Variants in IBTK observed in about 807,000 individuals in gnomAD.
The protein encoded by IBTK is inhibitor of Bruton tyrosine kinase.
Under a neutral mutation model 154.9 loss-of-function variants are expected in IBTK, and 83 were observed. The ratio of observed to expected loss-of-function variants is 0.54; its 90% CI spans 0.45 to 0.64. The LOEUF is 0.64. Ranked by LOEUF, IBTK falls within the 30% of genes least tolerant of loss-of-function variation. IBTK has a pLI of 0.00. For missense variants in IBTK, 1,332 were observed against 1,584.6 expected (o/e 0.84, Z 2.71); for synonymous variants, 515 against 536.1 (o/e 0.96, Z 0.54).
At chr6:82,193,299 A>G (rs1356363630) in intron 23 of IBTK, among the ~76,000 whole-genome samples, 1 of 152,178 alleles carries the variant, frequency 6.6e-6, no homozygotes, top group East Asian at 1.9e-4. Context: ...TAGTACTGAA[A>G]TAGCCTAATC....
chr6:82,203,109 G>C (rs182526569), intron 17 of IBTK, among the ~76,000 whole-genome samples: 27 of 152,002 alleles, frequency 1.8e-4, no homozygotes, highest in African/African-American at 6.3e-4. Flanking sequence ...TTATCTATCA[G>C]AATTCATGTG....
chr6:82,188,252 CAT>C (rs373323722), intron 25 of IBTK, among the ~76,000 whole-genome samples: 46 of 152,220 alleles, frequency 3.0e-4, no homozygotes, highest in African/African-American at 1.1e-3. Context: ...AAATAAAACA[CAT>C]ATAGAGTAGA....
At chr6:82,246,873 T>A (rs1052976724) in intron 1 of IBTK, among the ~76,000 whole-genome samples, 7 of 152,196 alleles carry the variant, frequency 4.6e-5, no homozygotes, top group Non-Finnish European at 8.8e-5. Context: ...AATGGCCTAC[T>A]TCGAGGCATA....
At chr6:82,225,774 A>T in intron 5 of IBTK, 127 bp from the exon 6 acceptor site, 1 of 665,836 alleles carries the variant, frequency 1.5e-6, no homozygotes, top group Non-Finnish European at 2.4e-6. Context: ...TATCTATCAT[A>T]GGTAAATTCT....
intron 26 of IBTK, among the ~76,000 whole-genome samples, chr6:82,176,328 CTGGCCAACA>C (rs1768113508): frequency 6.6e-6 from 1 of 151,870 alleles, no homozygotes; most frequent in Non-Finnish European, 1.5e-5. Flanking sequence ...CGAGACTAGC[CTGGCCAACA>C]TGGCAAAACC....
chr6:82,191,016 C>T, intron 25 of IBTK, 57 bp downstream of exon 25: 1 of 1,276,580 alleles, frequency 7.8e-7, no homozygotes, highest in Non-Finnish European at 1.0e-6. Context: ...AAGTCAAGTA[C>T]TACCTTAAAA....
intron 23 of IBTK, among the ~76,000 whole-genome samples, chr6:82,194,242 A>G (rs1031542732): frequency 5.3e-5 from 8 of 152,174 alleles, no homozygotes; most frequent in African/African-American, 1.7e-4. Context: ...TACGTAAAAC[A>G]TAGTATTTGC....
intron 16 of IBTK, among the ~76,000 whole-genome samples, chr6:82,206,159 T>C (rs1769403922): frequency 6.6e-6 from 1 of 152,200 alleles, no homozygotes; most frequent in South Asian, 2.1e-4. Context: ...GCCTTTCCTG[T>C]TCAGATCTTC....
intron 2 of IBTK, among the ~76,000 whole-genome samples, chr6:82,236,953 A>G (rs1288547391): frequency 1.3e-5 from 2 of 152,218 alleles, no homozygotes; most frequent in African/African-American, 4.8e-5. Context: ...TGTATCTATC[A>G]CTGATCAGCA....
Position 82,213,570 on chromosome 6 carries a change from C to T in IBTK, c.2204+657G>A, listed in dbSNP as rs367744356. ...ATTGAGAAACTGAAGTAAGAAGGAT[C>T]GCTTGAGCCCAGGAGTTCGAGAAAC... On this transcript the variant is annotated intron_variant, in intron 12 of 28. Transcript: ENST00000306270. 9.9e-5 allele frequency among the ~76,000 whole-genome samples: 15 copies of T among 152,182 alleles called. No individual in the cohort carries two copies. In the East Asian group the frequency reaches 2.5e-3, roughly 25 times the overall value.
At chr6:82,188,520 T>C (rs1768636774) in intron 25 of IBTK, among the ~76,000 whole-genome samples, 2 of 152,180 alleles carry the variant, frequency 1.3e-5, no homozygotes, top group Admixed American at 1.3e-4. Context: ...CTTATACTTG[T>C]TGCGTGGTAC....
At chr6:82,188,258 G>A (rs1768628985) in intron 25 of IBTK, among the ~76,000 whole-genome samples, 1 of 152,080 alleles carries the variant, frequency 6.6e-6, no homozygotes, top group Non-Finnish European at 1.5e-5. Context: ...AACACATATA[G>A]AGTAGAATGA....
intron 16 of IBTK, 80 bp from the exon 17 acceptor site, chr6:82,205,038 C>G: frequency 2.9e-6 from 2 of 685,270 alleles, no homozygotes; most frequent in Non-Finnish European, 4.6e-6. Flanking sequence ...GTAATTAGTA[C>G]ACTAGAAAAG....
chr6:82,182,011 G>A lies in IBTK; in HGVS notation c.3593C>T (p.Ser1198Leu). ...PVNAWASSLHSVSSKSFRDFL... is the reference protein window; with the variant it reads ...PVNAWASSLHLVSSKSFRDFL... ...ATCCCGGAATGACTTGGATGAAACT[G>A]AATGCAGAGAAGATGCCCTGCAAAA... is the stretch of plus-strand genomic sequence containing the variant. Residue 1198 changes from serine to leucine, a missense_variant, in exon 26 of 29, where the codon TCA becomes TTA. This residue lies in a region of IBTK where 1,134 missense variants were observed against 1,274.7 expected (regional missense o/e 0.89). Transcript: ENST00000306270. 1 of 1,598,196 alleles carries A rather than the reference G, an allele frequency of 6.3e-7. No individual in the cohort carries two copies. The highest frequency in any genetic ancestry group is 8.5e-7 in the Non-Finnish European group (1 of 1,176,878).
Position 82,182,028 on chromosome 6 carries a change from C to T in IBTK, c.3576G>A (p.Trp1192Ter), listed in dbSNP as rs972096006. 6.3e-7 allele frequency: 1 copy of T among 1,588,240 alleles called. No homozygotes were observed. The highest frequency in any genetic ancestry group is 1.4e-5 in the African/African-American group (1 of 73,208). The change falls in exon 26 of 29, where the codon TGG becomes TGA. Residue 1192 changes from tryptophan to a stop codon, truncating the protein, a stop_gained and splice_region_variant. Coordinates refer to ENST00000306270, the MANE Select transcript of IBTK (RefSeq NM_015525.4). LOFTEE classifies it high-confidence loss of function. ...PSKAPKPVNAWASSLHSVSSK... is the reference protein window; with the variant it reads ...PSKAPKPVNA Reference sequence around the variant, plus strand: ...ATGAAACTGAATGCAGAGAAGATGCCCTGCAAAAGAAAGCAAAGATCATGT... The same window carrying T: ...ATGAAACTGAATGCAGAGAAGATGCTCTGCAAAAGAAAGCAAAGATCATGT...
In IBTK at chr6:82,188,287, T is replaced by C. The variant is rs534888381; in HGVS notation, c.3575+2786A>G. Among the ~76,000 whole-genome samples the C allele has an allele frequency of 1.4e-4, 22 of 152,282 alleles. No homozygotes were observed. In the South Asian group the frequency reaches 3.5e-3, roughly 24 times the overall value. ...AGAATGAATAAAACATGGATGTAAA[T>C]CAATGGCTATTTTTAGCTTTCTTTT... is the stretch of plus-strand genomic sequence containing the variant. On this transcript the variant is annotated intron_variant, in intron 25 of 28. Transcript: ENST00000306270.
chr6:82,180,738 A>C (rs1268456145), intron 26 of IBTK, among the ~76,000 whole-genome samples: 24 of 152,206 alleles, frequency 1.6e-4, no homozygotes, highest in Non-Finnish European at 8.8e-5. Flanking sequence ...AAATATGCCT[A>C]AACATTTAAT....
At chr6:82,231,402 T>C (rs1770498867) in intron 4 of IBTK, among the ~76,000 whole-genome samples, 1 of 152,108 alleles carries the variant, frequency 6.6e-6, no homozygotes, top group Non-Finnish European at 1.5e-5. Context: ...AGAATTGTAA[T>C]GTTTGTTAAA....
chr6:82,173,582 A>G (rs1582174337), intron 26 of IBTK, 144 bp from the exon 27 acceptor site: 2 of 506,314 alleles, frequency 4.0e-6, no homozygotes, highest in East Asian at 6.2e-5. Flanking sequence ...CTTTAAAATT[A>G]TAAGTAAACA....
Sources: allele counts gnomAD v4.1 joint callset (sites outside exome capture counted in the v4.1 genomes callset), GRCh38; gene constraint gnomAD v4.1.1; regional missense constraint gnomAD v4.1.1; transcripts MANE v1.5; gene names NCBI Gene and HGNC (gene_info 2026-07-23, HGNC 2026-07-21).